Variants in DPP6 observed in about 807,000 individuals in gnomAD.
DPP6 encodes dipeptidyl peptidase like 6.
In DPP6, 69 loss-of-function variants were observed where a neutral mutation model predicts 122.6. That is an observed-to-expected ratio of 0.56 (90% CI 0.46 to 0.69). DPP6 has a LOEUF of 0.69. Among genes scored for constraint, DPP6 ranks in the 30% least tolerant of loss-of-function variants. DPP6 has a pLI of 0.00. For synonymous variants in DPP6, 418 were observed against 433.1 expected (o/e 0.97, Z 0.43); for missense variants, 928 against 1,116.9 (o/e 0.83, Z 2.41).
chr7:154,106,453 A>G (rs1417790965), intron 1 of DPP6, among the ~76,000 whole-genome samples: 1 of 127,672 alleles, frequency 7.8e-6, no homozygotes, highest in African/African-American at 3.1e-5. Flanking sequence ...GGCTGAGCAA[A>G]CACAGGACCC....
intron 16 of DPP6, among the ~76,000 whole-genome samples, chr7:154,810,292 T>C (rs1301736009): frequency 6.6e-6 from 1 of 152,154 alleles, no homozygotes; most frequent in South Asian, 2.1e-4. Flanking sequence ...GCTGCAGCCC[T>C]GGGTTGAAAT....
At chr7:154,343,974 C>A (rs1184062800) in intron 1 of DPP6, among the ~76,000 whole-genome samples, 1 of 152,220 alleles carries the variant, frequency 6.6e-6, no homozygotes, top group Admixed American at 6.5e-5. Flanking sequence ...CCTCAGCCTC[C>A]GAAAGTGCTC....
At chr7:153,897,795 T>C (rs1261940149) in intron 1 of DPP6, among the ~76,000 whole-genome samples, 1 of 152,256 alleles carries the variant, frequency 6.6e-6, no homozygotes, top group Non-Finnish European at 1.5e-5. Context: ...ATAGTCTTCA[T>C]ACTGTTTTCC....
chr7:154,018,150 C>T (rs1429853279), intron 1 of DPP6, among the ~76,000 whole-genome samples: 2 of 151,876 alleles, frequency 1.3e-5, no homozygotes, highest in Non-Finnish European at 2.9e-5. Context: ...GACAAGGCCA[C>T]CACGAGGCCC....
At chr7:154,849,388 T>C (rs1322061533) in intron 16 of DPP6, among the ~76,000 whole-genome samples, 1 of 152,226 alleles carries the variant, frequency 6.6e-6, no homozygotes, top group Non-Finnish European at 1.5e-5. Flanking sequence ...ATACATATTT[T>C]TTACTTCCTT....
chr7:153,780,462 T>C, the DPP6 span, among the ~76,000 whole-genome samples: 2 of 152,158 alleles, frequency 1.3e-5, no homozygotes, highest in Admixed American at 6.6e-5. Context: ...GAAAGCAGCA[T>C]AAAGTTGGTG....
chr7:154,666,222 C>T (rs1252863243), intron 6 of DPP6, among the ~76,000 whole-genome samples: 2 of 149,660 alleles, frequency 1.3e-5, no homozygotes, highest in African/African-American at 2.5e-5. Context: ...TACATACATA[C>T]ATACATACAT....
At chr7:154,249,682 C>G (rs1036232570) in intron 1 of DPP6, among the ~76,000 whole-genome samples, 1 of 152,104 alleles carries the variant, frequency 6.6e-6, no homozygotes, top group Non-Finnish European at 1.5e-5. Context: ...TAGGTCATGG[C>G]TTCTTGAGAA....
At chr7:154,088,268 G>A in intron 1 of DPP6, among the ~76,000 whole-genome samples, 1 of 151,094 alleles carries the variant, frequency 6.6e-6, no homozygotes, top group Non-Finnish European at 1.5e-5. Flanking sequence ...AGTGGGGCTT[G>A]GGCTGCAGTA....
intron 5 of DPP6, among the ~76,000 whole-genome samples, chr7:154,623,332 G>A (rs942587260): frequency 6.6e-6 from 1 of 152,178 alleles, no homozygotes; most frequent in Non-Finnish European, 1.5e-5. Context: ...TCGCTGTGCT[G>A]GAAACAAACT....
intron 1 of DPP6, among the ~76,000 whole-genome samples, chr7:154,133,472 G>A (rs1471420274): frequency 1.3e-5 from 2 of 152,198 alleles, no homozygotes; most frequent in East Asian, 3.9e-4. Context: ...GGGCTCAAGA[G>A]CTGGAGAGAG....
rs146164207 is a variant in DPP6, at chr7:154,473,790, C to A, written c.359-1149C>A. ...AACAGCCAGAAATTGAAACAAGAAA[C>A]AGACATACCACCAGACATTGAAATA... On this transcript the variant is annotated intron_variant, in intron 2 of 25. Coordinates refer to ENST00000377770, the MANE Select transcript of DPP6 (RefSeq NM_130797.4). Among the ~76,000 whole-genome samples the A allele has an allele frequency of 1.5e-4, 23 of 152,186 alleles. No homozygotes were observed. In the East Asian group the frequency reaches 4.4e-3, roughly 29 times the overall value.
the DPP6 span, among the ~76,000 whole-genome samples, chr7:153,815,283 A>G: frequency 6.6e-6 from 1 of 152,232 alleles, no homozygotes; most frequent in African/African-American, 2.4e-5. Context: ...AAATCAATGT[A>G]CAAAAATCAC....
intron 3 of DPP6, among the ~76,000 whole-genome samples, chr7:154,523,191 G>A (rs1491834): frequency 0.2 from 30,467 of 152,126 alleles, 3,549 homozygotes; most frequent in Non-Finnish European, 0.27. Flanking sequence ...GGGGAAGGAA[G>A]ACATTACTGT....
At chr7:154,522,082 G>C (rs1827032537) in intron 3 of DPP6, among the ~76,000 whole-genome samples, 1 of 152,074 alleles carries the variant, frequency 6.6e-6, no homozygotes, top group Non-Finnish European at 1.5e-5. Flanking sequence ...TCCTGTTTCA[G>C]CTTCCCGGGT....
chr7:154,628,467 T>C (rs556322315), intron 5 of DPP6, among the ~76,000 whole-genome samples: 6 of 152,128 alleles, frequency 3.9e-5, no homozygotes, highest in Non-Finnish European at 7.4e-5. Context: ...CTGGTCATCT[T>C]CTCTGGAGTA....
chr7:154,640,085 C>G (rs1835972430), intron 6 of DPP6, among the ~76,000 whole-genome samples: 1 of 152,130 alleles, frequency 6.6e-6, no homozygotes, highest in Non-Finnish European at 1.5e-5. Flanking sequence ...AACCCCATCT[C>G]TACTAAAAAT....
At chr7:154,051,124 T>G (rs1305008543), upstream of DPP6, among the ~76,000 whole-genome samples, 1 of 123,410 alleles carries the variant, frequency 8.1e-6, no homozygotes, top group Non-Finnish European at 1.8e-5. Flanking sequence ...AGGCTGTTAT[T>G]TTGAAACCCT....
chr7:154,687,987 G>T (rs983269603), intron 7 of DPP6, among the ~76,000 whole-genome samples: 9 of 152,142 alleles, frequency 5.9e-5, no homozygotes, highest in African/African-American at 2.2e-4. Flanking sequence ...TGTATGGGTG[G>T]ATTTGCTTTC....
Sources: allele counts gnomAD v4.1 joint callset (sites outside exome capture counted in the v4.1 genomes callset), GRCh38; gene constraint gnomAD v4.1.1; transcripts MANE v1.5; gene names NCBI Gene and HGNC (gene_info 2026-07-23, HGNC 2026-07-21).